Variants in CSMD1 observed in about 807,000 individuals in gnomAD.
CSMD1 encodes the protein CUB and Sushi multiple domains 1.
In CSMD1, 213 loss-of-function variants were observed where a neutral mutation model predicts 417.5. The observed-to-expected ratio is 0.51, with a 90% CI of 0.46 to 0.57. The LOEUF (loss-of-function observed/expected upper bound fraction) is 0.57, where lower values mean the gene tolerates loss of function less well. Ranked by LOEUF, CSMD1 falls within the 20% of genes least tolerant of loss-of-function variation. The pLI, the probability that CSMD1 is intolerant of heterozygous loss-of-function variation, is 0.00. For missense variants in CSMD1, 6,923 were observed against 4,529.7 expected (o/e 1.53, Z -15.17); for synonymous variants, 2,862 against 1,736.8 (o/e 1.65, Z -16.11).
chr8:4,766,448 C>T (rs1585065477), intron 1 of CSMD1, among the ~76,000 whole-genome samples: 2 of 152,154 alleles, frequency 1.3e-5, no homozygotes, highest in East Asian at 1.9e-4. Context: ...ATACAGAAGG[C>T]TAACGTGCTT....
In CSMD1 at chr8:4,813,647, T is replaced by A. The variant is rs182954889; in HGVS notation, c.86-176089A>T. On this transcript the variant is annotated intron_variant, in intron 1 of 69. Transcript: ENST00000635120. ...AAGGGTCTCCAGAGCTGTAATAACA[T>A]CAATTTACACGTTGCAAGAGAGAAT... 5.0e-4 allele frequency among the ~76,000 whole-genome samples: 76 copies of A among 152,282 alleles called. 1 individual carries two copies. Among genetic ancestry groups the A allele is most frequent in the African/African-American group, 1.8e-3 (74 of 41,564 alleles).
intron 42 of CSMD1, among the ~76,000 whole-genome samples, chr8:3,116,367 T>C (rs1005115943): frequency 2.0e-5 from 3 of 152,044 alleles, no homozygotes; most frequent in Non-Finnish European, 4.4e-5. Flanking sequence ...ATCAGAGAGA[T>C]ATGTGGCATC....
At chr8:3,224,296 T>A (rs1345534996) in intron 27 of CSMD1, among the ~76,000 whole-genome samples, 1 of 152,214 alleles carries the variant, frequency 6.6e-6, no homozygotes, top group Non-Finnish European at 1.5e-5. Context: ...TTTCTCACAG[T>A]TTATAAAATC....
intron 10 of CSMD1, among the ~76,000 whole-genome samples, chr8:3,523,550 C>T (rs1457695249): frequency 6.6e-6 from 1 of 152,116 alleles, no homozygotes; most frequent in East Asian, 1.9e-4. Context: ...CACCCAGACA[C>T]ATGTGCACAC....
At chr8:4,159,944 G>C (rs1468928428) in intron 3 of CSMD1, among the ~76,000 whole-genome samples, 3 of 152,088 alleles carry the variant, frequency 2.0e-5, no homozygotes, top group African/African-American at 4.8e-5. Flanking sequence ...TGAGGGGAAA[G>C]GGTGGGAGGG....
At chr8:4,083,209 G>A (rs901031909) in intron 3 of CSMD1, among the ~76,000 whole-genome samples, 1 of 152,118 alleles carries the variant, frequency 6.6e-6, no homozygotes, top group Admixed American at 6.5e-5. Flanking sequence ...CACAATGGTT[G>A]AACTAGTTTA....
intron 3 of CSMD1, among the ~76,000 whole-genome samples, chr8:4,392,879 G>C (rs1318758361): frequency 6.6e-6 from 1 of 151,934 alleles, no homozygotes; most frequent in African/African-American, 2.4e-5. Flanking sequence ...TAAGGCAGGA[G>C]AATTGCTTGA....
intron 2 of CSMD1, among the ~76,000 whole-genome samples, chr8:4,523,911 C>T (rs1803627322): frequency 6.6e-6 from 1 of 152,154 alleles, no homozygotes; most frequent in South Asian, 2.1e-4. Flanking sequence ...GATGCTATTT[C>T]TAATCAGCTC....
intron 5 of CSMD1, among the ~76,000 whole-genome samples, chr8:3,871,345 C>G (rs1173447420): frequency 1.3e-5 from 2 of 152,050 alleles, no homozygotes; most frequent in Non-Finnish European, 2.9e-5. Context: ...TTGATATTGA[C>G]AACTATTATG....
At chr8:3,596,080 C>A (rs531510952) in intron 8 of CSMD1, among the ~76,000 whole-genome samples, 1 of 152,154 alleles carries the variant, frequency 6.6e-6, no homozygotes, top group Non-Finnish European at 1.5e-5. Context: ...GGAGACTCTT[C>A]GAACTCTAGA....
At chr8:3,326,019 G>C (rs1203710806) in intron 23 of CSMD1, among the ~76,000 whole-genome samples, 1 of 152,150 alleles carries the variant, frequency 6.6e-6, no homozygotes, top group Non-Finnish European at 1.5e-5. Context: ...CATGACCTCT[G>C]TAGGATTTGA....
At chr8:3,904,614 T>G (rs1376511031) in intron 5 of CSMD1, among the ~76,000 whole-genome samples, 1 of 151,018 alleles carries the variant, frequency 6.6e-6, no homozygotes, top group East Asian at 2.0e-4. Flanking sequence ...TTCCTTTTTC[T>G]CTTTCTTTCT....
intron 1 of CSMD1, among the ~76,000 whole-genome samples, chr8:4,811,934 G>A (rs1317103414): frequency 6.6e-6 from 1 of 152,058 alleles, no homozygotes; most frequent in African/African-American, 2.4e-5. Context: ...TTTCTGATAG[G>A]CGCATTAGAA....
chr8:2,997,800 T>C (rs1056878430), intron 54 of CSMD1, among the ~76,000 whole-genome samples: 1 of 152,190 alleles, frequency 6.6e-6, no homozygotes, highest in Admixed American at 6.5e-5. Context: ...TAATTCTAGA[T>C]TTTCGTAATT....
chr8:4,381,863 T>C (rs1803128639), intron 3 of CSMD1, among the ~76,000 whole-genome samples: 2 of 152,222 alleles, frequency 1.3e-5, no homozygotes, highest in Admixed American at 1.3e-4. Context: ...ACCTAGGCTC[T>C]CTTTGCGGAC....
chr8:4,068,473 C>T (rs959860053), intron 3 of CSMD1, among the ~76,000 whole-genome samples: 2 of 152,064 alleles, frequency 1.3e-5, no homozygotes, highest in East Asian at 3.9e-4. Context: ...TTCATGACAC[C>T]ATAACACATA....
At chr8:3,496,753 G>A (rs1285454533) in intron 10 of CSMD1, among the ~76,000 whole-genome samples, 1 of 152,062 alleles carries the variant, frequency 6.6e-6, no homozygotes. Context: ...TTGAACCTGG[G>A]AGGTGGAGGT....
At chr8:3,660,308 A>G (rs1016524961) in intron 7 of CSMD1, among the ~76,000 whole-genome samples, 1 of 152,016 alleles carries the variant, frequency 6.6e-6, no homozygotes, top group East Asian at 1.9e-4. Context: ...GCGGGATGGT[A>G]ACTGTGTCCA....
At chr8:3,128,172 G>A (rs938919134) in intron 41 of CSMD1, 3 of 152,028 alleles carry the variant, frequency 2.0e-5, no homozygotes, top group African/African-American at 7.2e-5. Context: ...CCTTTGTTTA[G>A]ATCTGAAAAA....
Sources: allele counts gnomAD v4.1 joint callset (sites outside exome capture counted in the v4.1 genomes callset), GRCh38; gene constraint gnomAD v4.1.1; transcripts MANE v1.5; gene names NCBI Gene and HGNC (gene_info 2026-07-23, HGNC 2026-07-21).